The following PRICKLE2 variants were observed in gnomAD, a reference collection of about 807,000 sequenced individuals.
PRICKLE2 encodes the protein prickle planar cell polarity protein 2, also known as prickle-like protein 2.
PRICKLE2 carries 21 observed loss-of-function variants against 81.4 expected under a neutral mutation model. That is an observed-to-expected ratio of 0.26 (90% CI 0.18 to 0.37). The LOEUF (loss-of-function observed/expected upper bound fraction) is 0.37. Among genes scored for constraint, PRICKLE2 ranks in the 10% least tolerant of loss-of-function variants. The pLI is 1.00. For synonymous variants in PRICKLE2, 456 were observed against 421.5 expected (o/e 1.08, Z -1.00); for missense variants, 940 against 1,109.0 (o/e 0.85, Z 2.16).
intron 2 of PRICKLE2, among the ~76,000 whole-genome samples, chr3:64,195,197 A>G (rs1191131456): frequency 1.3e-5 from 2 of 152,230 alleles, no homozygotes; most frequent in Admixed American, 1.3e-4. Flanking sequence ...CAGTTCAGTC[A>G]TTAGAGATCA....
intron 2 of PRICKLE2, chr3:64,163,351 CTG>C: frequency 1.7e-6 from 1 of 588,224 alleles, no homozygotes; most frequent in Non-Finnish European, 3.0e-6. Flanking sequence ...TTCCCTCTCT[CTG>C]TGAGGGAAAA....
chr3:64,255,138 G>A (rs1035504435), intron 2 of PRICKLE2, among the ~76,000 whole-genome samples: 1 of 152,158 alleles, frequency 6.6e-6, no homozygotes, highest in Non-Finnish European at 1.5e-5. Flanking sequence ...GTAGTGAGTA[G>A]GGTCACTTTA....
At chr3:64,222,109 T>C (rs911849946) in intron 1 of PRICKLE2, among the ~76,000 whole-genome samples, 3 of 152,172 alleles carry the variant, frequency 2.0e-5, no homozygotes, top group Non-Finnish European at 4.4e-5. Flanking sequence ...TACCAGGAAT[T>C]GGGCAAGGGC....
At chr3:64,263,632 G>C (rs1004657735) in intron 2 of PRICKLE2, among the ~76,000 whole-genome samples, 1 of 151,344 alleles carries the variant, frequency 6.6e-6, no homozygotes, top group African/African-American at 2.4e-5. Flanking sequence ...TTCTGGGGCT[G>C]TGTAGGGTGA....
At chr3:64,127,706 T>C (rs1258700006) in intron 7 of PRICKLE2, among the ~76,000 whole-genome samples, 3 of 151,864 alleles carry the variant, frequency 2.0e-5, no homozygotes, top group African/African-American at 4.8e-5. Context: ...CAGCCCTTCC[T>C]GAGGACCTGA....
rs945140373 is a variant in PRICKLE2 at position 64,095,976 on chromosome 3, C to G, written c.*3075G>C. 1 of 152,228 alleles carries G rather than the reference C, an allele frequency of 6.6e-6. No individual in the cohort carries two copies. The highest frequency in any genetic ancestry group is 6.5e-5 in the Admixed American group (1 of 15,280). 9.4% of individuals were successfully genotyped at this position (152,228 alleles called of 1,614,324 possible). ...TCAATGCCACCTGGCTGCCAAGAAG[C>G]CTTTTCACAGTACCAAGGGTGGTAT... On this transcript the variant is annotated 3_prime_UTR_variant, in exon 8 of 8. Coordinates refer to ENST00000638394, the MANE Select transcript of PRICKLE2 (RefSeq NM_198859.4).
intron 2 of PRICKLE2, among the ~76,000 whole-genome samples, chr3:64,172,280 G>A (rs532599443): frequency 1.3e-3 from 200 of 152,298 alleles, no homozygotes; most frequent in Non-Finnish European, 2.5e-3. Context: ...GATTGTCTAC[G>A]CATTTGCGTA....
chr3:64,223,420 T>C (rs1235469554), intron 1 of PRICKLE2, among the ~76,000 whole-genome samples: 1 of 152,198 alleles, frequency 6.6e-6, no homozygotes, highest in Non-Finnish European at 1.5e-5. Context: ...TATCATCTCA[T>C]ACTATCTAAC....
At chr3:64,124,151 T>C (rs1475460446) in intron 7 of PRICKLE2, among the ~76,000 whole-genome samples, 1 of 152,204 alleles carries the variant, frequency 6.6e-6, no homozygotes, top group African/African-American at 2.4e-5. Context: ...TTAAGTGGGC[T>C]GGACAGAAAA....
intron 2 of PRICKLE2, among the ~76,000 whole-genome samples, chr3:64,180,155 G>A (rs964123558): frequency 1.3e-5 from 2 of 152,180 alleles, no homozygotes; most frequent in African/African-American, 4.8e-5. Context: ...GAGGATTATG[G>A]GAACTAACTC....
upstream of PRICKLE2, among the ~76,000 whole-genome samples, chr3:64,229,877 G>C (rs1236729349): frequency 1.3e-5 from 2 of 152,192 alleles, no homozygotes; most frequent in African/African-American, 4.8e-5. Context: ...GTCTAGCATA[G>C]GTGATGATGC....
At chr3:64,169,512 TCTGAGGC>T (rs2077894511) in intron 2 of PRICKLE2, among the ~76,000 whole-genome samples, 1 of 152,164 alleles carries the variant, frequency 6.6e-6, no homozygotes, top group Non-Finnish European at 1.5e-5. Context: ...TTTAGAATCA[TCTGAGGC>T]CTTTATTAAA....
chr3:64,172,505 A>T (rs10866068), intron 2 of PRICKLE2, among the ~76,000 whole-genome samples: 16,894 of 152,268 alleles, frequency 0.11, 1,185 homozygotes, highest in East Asian at 0.22. Flanking sequence ...AAGTTATTTG[A>T]TCTCTTGTAG....
chr3:64,187,300 T>C (rs2078252386), intron 2 of PRICKLE2, among the ~76,000 whole-genome samples: 1 of 152,230 alleles, frequency 6.6e-6, no homozygotes, highest in African/African-American at 2.4e-5. Context: ...CATCAGTGTA[T>C]TTCTGGAGCC....
intron 7 of PRICKLE2, among the ~76,000 whole-genome samples, chr3:64,118,863 A>ACCTC (rs78076903): frequency 2.6e-5 from 4 of 152,062 alleles, no homozygotes; most frequent in East Asian, 3.9e-4. Flanking sequence ...CAACCCAGCA[A>ACCTC]ATAAATATTA....
intron 2 of PRICKLE2, among the ~76,000 whole-genome samples, chr3:64,165,347 T>C (rs2077812457): frequency 6.6e-6 from 1 of 152,202 alleles, no homozygotes; most frequent in Non-Finnish European, 1.5e-5. Context: ...GCTCTGTTGT[T>C]TCCCATCTCT....
At chr3:64,203,737 G>T (rs886881266) in intron 1 of PRICKLE2, among the ~76,000 whole-genome samples, 3 of 151,832 alleles carry the variant, frequency 2.0e-5, no homozygotes, top group African/African-American at 7.3e-5. Flanking sequence ...AATAACTCGA[G>T]GTGGATGGAT....
intron 2 of PRICKLE2, among the ~76,000 whole-genome samples, chr3:64,244,358 G>C (rs575028850): frequency 6.8e-4 from 103 of 152,200 alleles, no homozygotes; most frequent in African/African-American, 2.5e-3. Flanking sequence ...TTTTCAGGGA[G>C]GATATAAGAT....
At chr3:64,193,389 T>C (rs1281445444) in intron 2 of PRICKLE2, among the ~76,000 whole-genome samples, 1 of 152,126 alleles carries the variant, frequency 6.6e-6, no homozygotes, top group East Asian at 1.9e-4. Context: ...CTCCCAAACA[T>C]ACATTTCCAA....
Sources: gnomAD v4.1 joint callset for allele counts (sites outside exome capture counted in the v4.1 genomes callset) on GRCh38, gnomAD v4.1.1 for gene constraint, MANE v1.5 for transcripts, NCBI Gene and HGNC (gene_info 2026-07-23, HGNC 2026-07-21) for gene names.